The following AGBL1 variants were observed in gnomAD, a reference collection of about 807,000 sequenced individuals.
The protein encoded by AGBL1 is cytosolic carboxypeptidase 4.
Under a neutral mutation model 118.9 loss-of-function variants are expected in AGBL1, and 130 were observed. The ratio of observed to expected loss-of-function variants is 1.09; its 90% CI spans 0.95 to 1.26. The LOEUF is 1.26. Among genes scored for constraint, AGBL1 ranks in the 50% most tolerant of loss-of-function variants. The probability of loss-of-function intolerance (pLI) is 0.00; values close to 1 mark genes in which losing one functional copy is unlikely to be tolerated. For synonymous variants in AGBL1, 555 were observed against 478.9 expected, an observed-to-expected ratio of 1.16 and a Z score of -2.08; for missense variants, 1,584 against 1,298.1, an observed-to-expected ratio of 1.22 and a Z score of -3.38.
At chr15:86,945,067 GACATAGTAAGCAGCTGATAAA>G in intron 23 of AGBL1, among the ~76,000 whole-genome samples, 1 of 151,872 alleles carries the variant, frequency 6.6e-6, no homozygotes, top group Non-Finnish European at 1.5e-5. Flanking sequence ...GTAAAATGAT[GACATAGTAAGCAGCTGATAAA>G]ACAATGTTAT....
At chr15:86,555,912 A>C (rs960576456) in intron 21 of AGBL1, among the ~76,000 whole-genome samples, 3 of 152,210 alleles carry the variant, frequency 2.0e-5, no homozygotes, top group African/African-American at 7.2e-5. Context: ...GATTGGAAAA[A>C]AAAAGCTTTA....
intron 22 of AGBL1, among the ~76,000 whole-genome samples, chr15:86,689,295 A>G (rs952532820): frequency 3.7e-4 from 57 of 152,244 alleles, no homozygotes; most frequent in African/African-American, 1.2e-3. Context: ...AAGACTTTTC[A>G]TGACCACATT....
At chr15:86,419,269 T>G (rs1280468614) in intron 18 of AGBL1, among the ~76,000 whole-genome samples, 2 of 151,936 alleles carry the variant, frequency 1.3e-5, no homozygotes, top group African/African-American at 2.4e-5. Flanking sequence ...CTAGCTCATC[T>G]TCATCTCATT....
intron 21 of AGBL1, among the ~76,000 whole-genome samples, chr15:86,597,085 A>G (rs1179049079): frequency 6.6e-6 from 1 of 152,054 alleles, no homozygotes; most frequent in Non-Finnish European, 1.5e-5. Flanking sequence ...CTTTGTCCAT[A>G]TATCCATGAT....
At chr15:86,291,527 A>C (rs983270113) in intron 16 of AGBL1, among the ~76,000 whole-genome samples, 6 of 152,216 alleles carry the variant, frequency 3.9e-5, no homozygotes, top group African/African-American at 1.2e-4. Context: ...AAGTAAATTT[A>C]CTTATCCATA....
At chr15:86,919,243 T>C (rs1386877868), downstream of AGBL1, among the ~76,000 whole-genome samples, 1 of 152,160 alleles carries the variant, frequency 6.6e-6, no homozygotes, top group Non-Finnish European at 1.5e-5. Flanking sequence ...CAAGACCGCT[T>C]AGCAAAGAGC....
intron 15 of AGBL1, among the ~76,000 whole-genome samples, chr15:86,275,897 A>C (rs550162286): frequency 2.0e-4 from 30 of 152,316 alleles, no homozygotes; most frequent in Non-Finnish European, 3.4e-4. Context: ...CCTTGGGCAA[A>C]TTATACCAAC....
At chr15:86,784,331 C>G (rs1306144007) in intron 22 of AGBL1, among the ~76,000 whole-genome samples, 2 of 152,142 alleles carry the variant, frequency 1.3e-5, no homozygotes, top group African/African-American at 4.8e-5. Flanking sequence ...GCTTTGTGAA[C>G]TGGTCGAATG....
intron 22 of AGBL1, among the ~76,000 whole-genome samples, chr15:86,711,813 G>T (rs1443618459): frequency 1.3e-5 from 2 of 152,178 alleles, no homozygotes; most frequent in South Asian, 2.1e-4. Flanking sequence ...TTACTATCTG[G>T]CACTTCAGAG....
At chr15:86,779,673 A>C (rs540161176) in intron 22 of AGBL1, among the ~76,000 whole-genome samples, 1 of 152,186 alleles carries the variant, frequency 6.6e-6, no homozygotes, top group Admixed American at 6.5e-5. Context: ...GATCCACATT[A>C]CCAACCATTT....
At chr15:86,262,732 G>A in intron 9 of AGBL1, 46 bp from the exon 10 acceptor site, 1 of 1,293,228 alleles carries the variant, frequency 7.7e-7, no homozygotes. Context: ...TGCTTCTCAG[G>A]GTGGATTTCC....
At chr15:86,559,004 G>C (rs931462798) in intron 21 of AGBL1, among the ~76,000 whole-genome samples, 20 of 152,234 alleles carry the variant, frequency 1.3e-4, no homozygotes, top group African/African-American at 4.8e-4. Context: ...CAACTGTTTC[G>C]TGCCTTTCTT....
chr15:87,006,478 G>T (rs1388265779), intron 24 of AGBL1, among the ~76,000 whole-genome samples: 1 of 152,192 alleles, frequency 6.6e-6, no homozygotes, highest in Non-Finnish European at 1.5e-5. Flanking sequence ...CGTGGGCATG[G>T]TACCCTCCGA....
intron 22 of AGBL1, among the ~76,000 whole-genome samples, chr15:86,735,014 A>G (rs1036963693): frequency 2.5e-4 from 37 of 149,792 alleles, no homozygotes; most frequent in Admixed American, 2.2e-3. Context: ...TCATACCTTG[A>G]TATGTTCATA....
chr15:86,285,239 A>G (rs1418005641), intron 16 of AGBL1, among the ~76,000 whole-genome samples: 1 of 152,174 alleles, frequency 6.6e-6, no homozygotes, highest in Non-Finnish European at 1.5e-5. Flanking sequence ...GAAGTGTTAA[A>G]TACTTGCTGG....
chr15:86,548,959 A>C (rs1310539977), intron 20 of AGBL1, among the ~76,000 whole-genome samples: 1 of 152,118 alleles, frequency 6.6e-6, no homozygotes. Context: ...TGGTGAGAAC[A>C]GAGCCAGGAA....
chr15:86,632,918 C>G (rs1186769210), intron 21 of AGBL1, among the ~76,000 whole-genome samples: 1 of 152,122 alleles, frequency 6.6e-6, no homozygotes, highest in African/African-American at 2.4e-5. Flanking sequence ...ACTTGATTCA[C>G]TTGCATAGTT....
At chr15:86,612,751 G>A (rs528226398) in intron 21 of AGBL1, among the ~76,000 whole-genome samples, 11 of 152,246 alleles carry the variant, frequency 7.2e-5, no homozygotes, top group East Asian at 5.8e-4. Context: ...TTTCCAGAGT[G>A]TCTGACACCT....
rs577613117 is a variant in AGBL1, at chr15:86,443,227, T to C, written c.2555+45681T>C. Among the ~76,000 whole-genome samples the C allele has an allele frequency of 6.6e-4, 100 of 152,334 alleles. 2 individuals carry two copies. Among genetic ancestry groups the C allele is most frequent in the Admixed American group, 5.1e-3 (78 of 15,308 alleles). On this transcript the variant is annotated intron_variant, in intron 18 of 22. Transcript: ENST00000614907. Reference sequence around the variant, plus strand: ...ATCTCCAGATGGGACTCATGGCTGCTGGGGGTACAGTTTGTGCTCTTAGTT... The same window carrying C: ...ATCTCCAGATGGGACTCATGGCTGCCGGGGGTACAGTTTGTGCTCTTAGTT...
Sources: allele counts gnomAD v4.1 joint callset (sites outside exome capture counted in the v4.1 genomes callset), GRCh38; gene constraint gnomAD v4.1.1; transcripts MANE v1.5; gene names NCBI Gene and HGNC (gene_info 2026-07-23, HGNC 2026-07-21).